The following IFT74 variants were observed in gnomAD, a reference collection of about 807,000 sequenced individuals.
IFT74 encodes the protein intraflagellar transport protein 74 homolog.
IFT74 carries 92 observed loss-of-function variants against 96.7 expected under a neutral mutation model. The observed-to-expected ratio is 0.95, with a 90% CI of 0.80 to 1.13. IFT74 has a LOEUF of 1.13. Among genes scored for constraint, IFT74 ranks in the 50% most tolerant of loss-of-function variants. IFT74 has a pLI of 0.00. For synonymous variants in IFT74, 223 were observed against 213.2 expected (o/e 1.05, Z -0.40); for missense variants, 811 against 698.2 (o/e 1.16, Z -1.82).
intron 8 of IFT74, chr9:27,005,483 T>A (rs1460850484): frequency 6.6e-6 from 1 of 151,812 alleles, no homozygotes; most frequent in Admixed American, 6.6e-5. Context: ...CATATTTTCT[T>A]ATTTTTCATC....
At chr9:26,951,989 A>G (rs888911635), upstream of IFT74, among the ~76,000 whole-genome samples, 1 of 152,248 alleles carries the variant, frequency 6.6e-6, no homozygotes, top group African/African-American at 2.4e-5. Context: ...AACATGACAG[A>G]AAATGTTTCA....
At chr9:27,051,147 T>C (rs148299491) in intron 16 of IFT74, among the ~76,000 whole-genome samples, 3 of 152,326 alleles carry the variant, frequency 2.0e-5, no homozygotes, top group South Asian at 2.1e-4. Context: ...CTGTATTACT[T>C]TTCTAAAATC....
chr9:27,028,961 C>T lies in IFT74; in HGVS notation c.975-64C>T. On this transcript the variant is annotated intron_variant, in intron 12 of 19. Coordinates refer to ENST00000380062, the MANE Select transcript of IFT74 (RefSeq NM_025103.4). ...ACTTGGAAAAGATATCTAACCTCCCCATCAATTGTTTTTATTGAATGTCTA... is the reference window on the plus strand; with the variant it reads ...ACTTGGAAAAGATATCTAACCTCCCTATCAATTGTTTTTATTGAATGTCTA... 2.9e-6 allele frequency: 4 copies of T among 1,397,884 alleles called. No individual in the cohort carries two copies. The South Asian group carries it at 4.0e-5, about 14-fold the overall frequency. The allele number at this position is 1,397,884 out of a possible 1,614,324, so 86.6% of individuals were successfully genotyped here.
chr9:26,978,315 A>G, intron 3 of IFT74, 52 bp downstream of exon 3: 1 of 1,567,808 alleles, frequency 6.4e-7, no homozygotes, highest in Non-Finnish European at 8.7e-7. Flanking sequence ...TGTAAGAAAT[A>G]AATAACTGTG....
At chr9:27,045,758 TGGA>T (rs1235880225) in intron 14 of IFT74, among the ~76,000 whole-genome samples, 1 of 152,216 alleles carries the variant, frequency 6.6e-6, no homozygotes, top group African/African-American at 2.4e-5. Flanking sequence ...GTTACCTTCA[TGGA>T]GGCATGCAAT....
intron 8 of IFT74, chr9:26,999,759 A>ATAT: frequency 9.2e-7 from 1 of 1,083,302 alleles, no homozygotes; most frequent in Non-Finnish European, 1.3e-6. Flanking sequence ...CCTCTTTTGA[A>ATAT]TCTGTTTATT....
At chr9:27,001,053 G>A (rs1338665823) in intron 8 of IFT74, among the ~76,000 whole-genome samples, 1 of 152,134 alleles carries the variant, frequency 6.6e-6, no homozygotes, top group African/African-American at 2.4e-5. Context: ...GAGAATGTGT[G>A]ATATTTGTCT....
At chr9:27,012,485 T>C (rs1829131768) in intron 10 of IFT74, among the ~76,000 whole-genome samples, 1 of 152,114 alleles carries the variant, frequency 6.6e-6, no homozygotes, top group African/African-American at 2.4e-5. Flanking sequence ...CCCAATGTGC[T>C]GGGATTACAG....
chr9:26,970,576 A>T (rs1826838746), intron 2 of IFT74, among the ~76,000 whole-genome samples: 1 of 152,218 alleles, frequency 6.6e-6, no homozygotes, highest in Non-Finnish European at 1.5e-5. Flanking sequence ...AAAGTAGCAT[A>T]ATTAGTTGAG....
intron 8 of IFT74, among the ~76,000 whole-genome samples, chr9:27,006,503 G>C (rs562406135): frequency 6.6e-6 from 1 of 152,040 alleles, no homozygotes; most frequent in Non-Finnish European, 1.5e-5. Context: ...TACCTGGGTG[G>C]CTGAGGTGGG....
At chr9:26,947,300 G>C in intron 1 of IFT74, 1 of 484,190 alleles carries the variant, frequency 2.1e-6, no homozygotes, top group Non-Finnish European at 3.6e-6. Flanking sequence ...GAGTGTGTGC[G>C]TCCCAACCGC....
chr9:27,026,883 A>C (rs187479231), intron 12 of IFT74, among the ~76,000 whole-genome samples: 1 of 152,330 alleles, frequency 6.6e-6, no homozygotes, highest in East Asian at 1.9e-4. Flanking sequence ...GAAAGAACAC[A>C]AATAGACAAT....
At chr9:27,034,791 A>G (rs1050226076) in intron 13 of IFT74, among the ~76,000 whole-genome samples, 4 of 152,194 alleles carry the variant, frequency 2.6e-5, no homozygotes, top group Admixed American at 6.5e-5. Context: ...TGGCCTCCCA[A>G]AGTGTTGGGA....
chr9:27,004,281 A>G (rs1333607787), intron 8 of IFT74, among the ~76,000 whole-genome samples: 1 of 152,234 alleles, frequency 6.6e-6, no homozygotes, highest in Non-Finnish European at 1.5e-5. Flanking sequence ...AGGATTAGAA[A>G]AGGATTTTTT....
chr9:26,972,781 C>T (rs919363400), intron 2 of IFT74, among the ~76,000 whole-genome samples: 1 of 152,130 alleles, frequency 6.6e-6, no homozygotes, highest in African/African-American at 2.4e-5. Context: ...TCTTTGCTTG[C>T]CTGCACTTAT....
At position 26,978,220 on chromosome 9, in the gene IFT74, T is replaced by C. The variant is rs1187497905; in HGVS notation, c.213T>C (p.Pro71=). ...CTCAAATCAAAGTTGCCCATCGCCC[T>C]GTAACACAACAAGGTTTGACTGGAA... ...LSSQIKVAHR[P]VTQQGLTGMK... The change falls in exon 3 of 20, where the codon CCT becomes CCC. Residue 71 remains proline (P), a synonymous_variant. Transcript: ENST00000380062. The C allele has an allele frequency of 6.2e-7, 1 of 1,613,358 alleles. No individual in the cohort carries two copies. Among genetic ancestry groups the C allele is most frequent in the Non-Finnish European group, 8.5e-7 (1 of 1,179,856 alleles).
chr9:27,061,060 A>G, intron 19 of IFT74: 1 of 225,566 alleles, frequency 4.4e-6, no homozygotes, highest in South Asian at 5.5e-5. Context: ...TTAGTTCAAC[A>G]CCTACTTATT....
At chr9:26,961,916 C>A (rs927312965) in intron 1 of IFT74, 33 bp from the exon 2 acceptor site, 33 of 1,608,692 alleles carry the variant, frequency 2.1e-5, no homozygotes, top group Non-Finnish European at 2.1e-5. Flanking sequence ...GAGAAGACAT[C>A]AAAGGATTGA....
At chr9:26,955,738 A>T (rs987068433), upstream of IFT74, 2 of 152,092 alleles carry the variant, frequency 1.3e-5, no homozygotes, top group African/African-American at 2.4e-5. Flanking sequence ...ATACATATGC[A>T]ATCACATTTA....
Sources: gnomAD v4.1 joint callset for allele counts (sites outside exome capture counted in the v4.1 genomes callset) on GRCh38, gnomAD v4.1.1 for gene constraint, MANE v1.5 for transcripts, NCBI Gene and HGNC (gene_info 2026-07-23, HGNC 2026-07-21) for gene names.